Variants in HS6ST3 observed in about 807,000 individuals in gnomAD.
HS6ST3 encodes heparan-sulfate 6-O-sulfotransferase 3.
HS6ST3 carries 12 observed loss-of-function variants against 36.7 expected under a neutral mutation model. That is an observed-to-expected ratio of 0.33 (90% CI 0.21 to 0.53). The LOEUF (loss-of-function observed/expected upper bound fraction) is 0.53, where lower values mean the gene tolerates loss of function less well. Among genes scored for constraint, HS6ST3 ranks in the 20% least tolerant of loss-of-function variants. The pLI, the probability that HS6ST3 is intolerant of heterozygous loss-of-function variation, is 0.95. For synonymous variants in HS6ST3, 240 were observed against 257.5 expected (o/e 0.93, Z 0.65); for missense variants, 584 against 640.9 (o/e 0.91, Z 0.96).
At chr13:96,163,673 G>A (rs1481579061) in intron 1 of HS6ST3, among the ~76,000 whole-genome samples, 3 of 151,974 alleles carry the variant, frequency 2.0e-5, no homozygotes, top group African/African-American at 7.3e-5. Context: ...ATAATGATAG[G>A]TATAATGATA....
intron 1 of HS6ST3, among the ~76,000 whole-genome samples, chr13:96,380,688 C>T (rs1008954774): frequency 1.7e-4 from 26 of 152,178 alleles, no homozygotes; most frequent in African/African-American, 4.1e-4. Flanking sequence ...AAAATCTAGC[C>T]GCTAAATAAA....
chr13:96,775,386 G>A (rs570412654), intron 1 of HS6ST3, among the ~76,000 whole-genome samples: 12 of 152,062 alleles, frequency 7.9e-5, no homozygotes, highest in African/African-American at 2.9e-4. Context: ...ATACAGACTG[G>A]CAAATTGGAT....
chr13:96,310,959 A>G (rs901398397), intron 1 of HS6ST3, among the ~76,000 whole-genome samples: 2 of 152,116 alleles, frequency 1.3e-5, no homozygotes, highest in Non-Finnish European at 2.9e-5. Flanking sequence ...GACCACCCCC[A>G]TGAAACAAAG....
rs979871978 is a variant in HS6ST3, at chr13:96,838,605, CCTT to C, written c.*5413_*5415del. 1 of 152,466 alleles carries C rather than the reference CCTT, an allele frequency of 6.6e-6. No homozygotes were observed. The highest frequency in any genetic ancestry group is 2.4e-5 in the African/African-American group (1 of 41,450). The allele number at this position is 152,466 out of a possible 1,614,324, so 9.4% of individuals were successfully genotyped here. ...CTTTCTCCAAGGCACTTTCGGCCTT[CCTT>C]CTTCTCCCCTTCCGCCATCTCCACT... On this transcript the variant is annotated 3_prime_UTR_variant, in exon 2 of 2. Transcript: ENST00000376705.
chr13:96,518,227 G>A (rs566527853), intron 1 of HS6ST3, among the ~76,000 whole-genome samples: 3 of 152,096 alleles, frequency 2.0e-5, no homozygotes, highest in Non-Finnish European at 4.4e-5. Flanking sequence ...TAAAATAAAA[G>A]CAATGAGATC....
At chr13:96,399,917 T>C (rs1177895628) in intron 1 of HS6ST3, among the ~76,000 whole-genome samples, 21 of 152,250 alleles carry the variant, frequency 1.4e-4, no homozygotes, top group Non-Finnish European at 5.9e-5. Flanking sequence ...CTCAGTGATC[T>C]GGTCTAATTT....
chr13:96,264,919 C>T (rs1367610143), intron 1 of HS6ST3, among the ~76,000 whole-genome samples: 1 of 152,130 alleles, frequency 6.6e-6, no homozygotes, highest in African/African-American at 2.4e-5. Flanking sequence ...ACATTTTCTA[C>T]CATTCGCTGA....
intron 1 of HS6ST3, among the ~76,000 whole-genome samples, chr13:96,280,106 T>C (rs1432776460): frequency 6.6e-6 from 1 of 152,150 alleles, no homozygotes; most frequent in Non-Finnish European, 1.5e-5. Flanking sequence ...CAGGTTCTTA[T>C]TGTCTGTCAA....
chr13:96,753,325 G>A (rs1460722726), intron 1 of HS6ST3, among the ~76,000 whole-genome samples: 1 of 152,118 alleles, frequency 6.6e-6, no homozygotes, highest in Admixed American at 6.5e-5. Flanking sequence ...ATACCTTTTA[G>A]GATAGTGAAC....
intron 1 of HS6ST3, among the ~76,000 whole-genome samples, chr13:96,102,949 T>G (rs2053824692): frequency 6.6e-6 from 1 of 152,222 alleles, no homozygotes. Context: ...GTGAGTATAC[T>G]CTTGCAGGAT....
chr13:96,291,993 G>GT (rs1005729623), intron 1 of HS6ST3, among the ~76,000 whole-genome samples: 7 of 151,466 alleles, frequency 4.6e-5, no homozygotes, highest in African/African-American at 7.3e-5. Context: ...TATGTTGTAA[G>GT]TTTTTTTTTC....
chr13:96,550,076 C>T (rs1412148293), intron 1 of HS6ST3, among the ~76,000 whole-genome samples: 2 of 152,256 alleles, frequency 1.3e-5, no homozygotes, highest in Non-Finnish European at 1.5e-5. Flanking sequence ...AGTAGCGATT[C>T]AATGGTGAGC....
chr13:96,474,512 T>C (rs2138893009), intron 1 of HS6ST3, among the ~76,000 whole-genome samples: 1 of 152,312 alleles, frequency 6.6e-6, no homozygotes, highest in South Asian at 2.1e-4. Flanking sequence ...AAGAGAGATC[T>C]TTGCATTATA....
At chr13:96,493,628 C>A (rs117672644) in intron 1 of HS6ST3, among the ~76,000 whole-genome samples, 1 of 151,996 alleles carries the variant, frequency 6.6e-6, no homozygotes, top group African/African-American at 2.4e-5. Context: ...GTTGATCTCT[C>A]GATGTATGAA....
intron 1 of HS6ST3, among the ~76,000 whole-genome samples, chr13:96,514,200 C>G (rs1390495090): frequency 2.6e-5 from 4 of 152,002 alleles, no homozygotes; most frequent in Non-Finnish European, 5.9e-5. Flanking sequence ...TTGTCATAAC[C>G]CTGAGATTCA....
intron 1 of HS6ST3, among the ~76,000 whole-genome samples, chr13:96,119,002 G>A (rs1028528283): frequency 3.3e-5 from 5 of 151,838 alleles, no homozygotes; most frequent in Admixed American, 6.6e-5. Context: ...GAGCCACCGC[G>A]CCCGGCCACA....
At chr13:96,742,243 C>T (rs9582059) in intron 1 of HS6ST3, among the ~76,000 whole-genome samples, 7,192 of 151,574 alleles carry the variant, frequency 0.047, 553 homozygotes, top group African/African-American at 0.16. Context: ...TACAAAAATA[C>T]GGCAGAAAAG....
chr13:96,252,802 G>C (rs959152739), intron 1 of HS6ST3, among the ~76,000 whole-genome samples: 9 of 151,930 alleles, frequency 5.9e-5, no homozygotes, highest in African/African-American at 2.2e-4. Flanking sequence ...TCTGGTTGTT[G>C]TAAAGTGTGG....
At chr13:96,306,240 A>G (rs1160469893) in intron 1 of HS6ST3, among the ~76,000 whole-genome samples, 1 of 151,660 alleles carries the variant, frequency 6.6e-6, no homozygotes, top group Admixed American at 6.6e-5. Context: ...AGTAGCTGGG[A>G]CTACAGGTGC....
Sources: allele counts gnomAD v4.1 joint callset (sites outside exome capture counted in the v4.1 genomes callset), GRCh38; gene constraint gnomAD v4.1.1; transcripts MANE v1.5; gene names NCBI Gene and HGNC (gene_info 2026-07-23, HGNC 2026-07-21).